PCDHGB3: variants seen among roughly 807,000 people sequenced by gnomAD.
PCDHGB3 encodes protocadherin gamma subfamily B, 3, also known as protocadherin gamma-B3.
A neutral mutation model predicts 59.2 loss-of-function variants in PCDHGB3; 40 were observed. The observed-to-expected ratio is 0.68, with a 90% CI of 0.52 to 0.88. The LOEUF is 0.88. PCDHGB3 is among the 40% of genes least tolerant of loss of function. The pLI is 0.00. For missense variants in PCDHGB3, 1,309 were observed against 1,187.9 expected (o/e 1.10, Z -1.50); for synonymous variants, 581 against 503.6 (o/e 1.15, Z -2.06).
In PCDHGB3 at chr5:141,423,069, G is replaced by A. The variant is rs1364397726; in HGVS notation, c.2415+50260G>A. ...CCTATCGCCTGCTTAAGGCCAGCGA[G>A]CCGGGACTCTTCGCGGTGGGGGAGC... On this transcript the variant is annotated intron_variant, in intron 1 of 3. Transcript: ENST00000576222. 8 of 1,614,034 alleles carry A rather than the reference G, an allele frequency of 5.0e-6. No homozygotes were observed. In the African/African-American group the frequency reaches 1.1e-4, roughly 22 times the overall value.
chr5:141,405,407 C>CT lies in PCDHGB3; in HGVS notation c.2415+32605dup, dbSNP rs762612492. 13 of 1,582,050 alleles carry CT rather than the reference C, an allele frequency of 8.2e-6. No individual in the cohort carries two copies. In the East Asian group the frequency reaches 1.6e-4, roughly 19 times the overall value. On this transcript the variant is annotated intron_variant, in intron 1 of 3. Transcript: ENST00000576222. Reference sequence around the variant, plus strand: ...TTCATTTTTTTTCTTTCTTTCTTTTCTTTTTTTGTTTTTTGTTTTGTTTTG... The same window carrying CT: ...TTCATTTTTTTTCTTTCTTTCTTTTCTTTTTTTTGTTTTTTGTTTTGTTTTG...
rs2233607 is a variant in PCDHGB3 at position 141,490,647 on chromosome 5, G to A, written c.2416-4160G>A. The A allele has an allele frequency of 2.5e-3, 3,973 of 1,614,082 alleles. 41 individuals carry two copies. The African/African-American group carries it at 0.027, about 11-fold the overall frequency. ...CTTACATCCTAGAAAACCGGCCTCC[G>A]GGCTCCCTTCTTTGCACTGTGGCTG... is the stretch of plus-strand genomic sequence containing the variant. On this transcript the variant is annotated intron_variant, in intron 1 of 3. Transcript: ENST00000576222. The surrounding 1 kb of genome is among the most constrained non-coding windows in gnomAD (Gnocchi z 5.4).
chr5:141,373,163 A>G (rs1171278735), intron 1 of PCDHGB3, among the ~76,000 whole-genome samples: 1 of 152,252 alleles, frequency 6.6e-6, no homozygotes, highest in Non-Finnish European at 1.5e-5. Context: ...GTTTTAATGC[A>G]GTCAATCCTA....
intron 1 of PCDHGB3, chr5:141,392,008 T>C (rs144906227): frequency 1.3e-5 from 2 of 152,186 alleles, no homozygotes; most frequent in Non-Finnish European, 2.9e-5. Flanking sequence ...ACTGCAATGG[T>C]AAAAGCATTT....
intron 1 of PCDHGB3, chr5:141,400,141 A>G (rs763561348): frequency 1.9e-6 from 3 of 1,614,020 alleles, no homozygotes; most frequent in Non-Finnish European, 8.5e-7. Flanking sequence ...GCCGGATATC[A>G]CTGACCGCCC....
intron 1 of PCDHGB3, among the ~76,000 whole-genome samples, chr5:141,401,205 G>C (rs1479820661): frequency 6.6e-6 from 1 of 152,118 alleles, no homozygotes; most frequent in African/African-American, 2.4e-5. Context: ...AGCTGGGTGT[G>C]GTGGCGGGCG....
In PCDHGB3 at chr5:141,371,647, A is replaced by G. The variant is rs759543088; in HGVS notation, c.1253A>G (p.Tyr418Cys). The change falls in exon 1 of 4, where the codon TAC becomes TGC. Residue 418 changes from tyrosine (Y) to cysteine (C), a missense_variant. Coordinates refer to ENST00000576222, the MANE Select transcript of PCDHGB3 (RefSeq NM_018924.5). ...GALDREQIPE[Y>C]NVTITATDKG... The stretch of plus-strand genomic sequence containing the variant: ...CTGGACCGGGAGCAGATCCCAGAAT[A>G]CAATGTGACGATCACAGCTACCGAC... 2 of 1,614,044 alleles carry G rather than the reference A, an allele frequency of 1.2e-6. No homozygotes were observed. The highest frequency in any genetic ancestry group is 1.1e-5 in the South Asian group (1 of 91,080).
chr5:141,428,098 A>C (rs1387848300), intron 1 of PCDHGB3: 1 of 1,608,664 alleles, frequency 6.2e-7, no homozygotes, highest in South Asian at 1.1e-5. Context: ...CTGTCCTACC[A>C]CGTGCTGCAG....
intron 1 of PCDHGB3, chr5:141,377,947 G>A (rs1280441389): frequency 1.3e-5 from 2 of 152,286 alleles, no homozygotes; most frequent in Middle Eastern, 3.4e-3. Flanking sequence ...TATAGAGTGT[G>A]TATCCAGGGC....
rs1337014125 is a variant in PCDHGB3, at chr5:141,371,360, G to A, written c.966G>A (p.Lys322=). 2 of 1,613,842 alleles carry A rather than the reference G, an allele frequency of 1.2e-6. No homozygotes were observed. The highest frequency in any genetic ancestry group is 1.7e-5 in the Admixed American group (1 of 60,010). The change falls in exon 1 of 4, where the codon AAG becomes AAA. Residue 322 remains lysine (K), a synonymous_variant. Coordinates refer to ENST00000576222, the MANE Select transcript of PCDHGB3 (RefSeq NM_018924.5). ...RDSYTIGVEA[K]DGGHHTAYCK... ...GCTACACAATTGGGGTGGAAGCAAA[G>A]GATGGTGGACATCACACTGCATATT...
At position 141,371,231 on chromosome 5, in the gene PCDHGB3, T is replaced by C. The variant is rs770415345; in HGVS notation, c.837T>C (p.Tyr279=). 5.6e-6 allele frequency: 9 copies of C among 1,613,934 alleles called. No homozygotes were observed. In the African/African-American group the frequency reaches 6.7e-5, roughly 12 times the overall value. ...AGGGCATCAATGCCGAAATCATCTA[T>C]GCCTTCATCAATATTGGCAAGGAAG... ...MDEGINAEII[Y]AFINIGKEVR... The change falls in exon 1 of 4, where the codon TAT becomes TAC. Residue 279 remains tyrosine, a synonymous_variant. Coordinates refer to ENST00000576222, the MANE Select transcript of PCDHGB3 (RefSeq NM_018924.5).
At chr5:141,415,041 G>C in intron 1 of PCDHGB3, 2 of 1,613,530 alleles carry the variant, frequency 1.2e-6, no homozygotes, top group Non-Finnish European at 1.7e-6. Context: ...GACTCTTCGC[G>C]GTGGGGGAGC....
intron 1 of PCDHGB3, chr5:141,427,070 G>A (rs929936578): frequency 3.1e-5 from 14 of 457,822 alleles, no homozygotes; most frequent in Non-Finnish European, 6.2e-5. Context: ...TACTAAAGGT[G>A]ACAGCCACTG....
chr5:141,489,431 T>C lies in PCDHGB3; in HGVS notation c.2416-5376T>C. 6.2e-7 allele frequency: 1 copy of C among 1,614,132 alleles called. No individual in the cohort carries two copies. Among genetic ancestry groups the C allele is most frequent in the Non-Finnish European group, 8.5e-7 (1 of 1,180,024 alleles). On this transcript the variant is annotated intron_variant, in intron 1 of 3. Transcript: ENST00000576222. This position sits in a 1 kb window ranked among gnomAD's most constrained non-coding sequence, Gnocchi z 4.5. ...ATGACAGATCTGTTGAGCCGGCGGC[T>C]GCAATTGGGCTCTGAGGAGAATGGG...
chr5:141,394,458 A>T, intron 1 of PCDHGB3: 1 of 1,614,218 alleles, frequency 6.2e-7, no homozygotes, highest in Non-Finnish European at 8.5e-7. Context: ...CATGTCACTG[A>T]GCCTGTTCGT....
chr5:141,430,583 C>A, intron 1 of PCDHGB3: 1 of 490,378 alleles, frequency 2.0e-6, no homozygotes, highest in Non-Finnish European at 3.4e-6. Flanking sequence ...AGATCCTGCT[C>A]GCCTTGCACG....
chr5:141,380,612 A>G (rs1163500028), intron 1 of PCDHGB3, among the ~76,000 whole-genome samples: 1 of 152,204 alleles, frequency 6.6e-6, no homozygotes, highest in African/African-American at 2.4e-5. Context: ...TAATTTTATG[A>G]TGTTCGATAA....
intron 1 of PCDHGB3, among the ~76,000 whole-genome samples, chr5:141,381,542 G>T (rs1245817082): frequency 2.0e-5 from 3 of 152,172 alleles, no homozygotes; most frequent in African/African-American, 7.2e-5. Context: ...CTAGGATGAA[G>T]ACTTGAATTG....
intron 1 of PCDHGB3, among the ~76,000 whole-genome samples, chr5:141,380,353 G>T (rs954913370): frequency 6.6e-6 from 1 of 151,944 alleles, no homozygotes; most frequent in Non-Finnish European, 1.5e-5. Flanking sequence ...TTTGTTGTTT[G>T]TTTTTTAGAA....
Sources: allele counts gnomAD v4.1 joint callset (sites outside exome capture counted in the v4.1 genomes callset), GRCh38; gene constraint gnomAD v4.1.1; non-coding constraint Gnocchi (gnomAD v3.1); transcripts MANE v1.5; gene names NCBI Gene and HGNC (gene_info 2026-07-23, HGNC 2026-07-21).